Variants in SLC66A1 observed in about 807,000 individuals in gnomAD.
The protein encoded by SLC66A1 is lysosomal amino acid transporter 1 homolog.
In SLC66A1, 23 loss-of-function variants were observed where a neutral mutation model predicts 33.0. The observed-to-expected ratio is 0.70, with a 90% confidence interval of 0.50 to 0.99. SLC66A1 has a LOEUF of 0.99. SLC66A1 is among the 50% of genes least tolerant of loss of function. SLC66A1 has a pLI of 0.00. For missense variants in SLC66A1, 335 were observed against 383.6 expected, an observed-to-expected ratio of 0.87 and a Z score of 1.06; for synonymous variants, 164 against 175.5, an observed-to-expected ratio of 0.93 and a Z score of 0.52.
intron 2 of SLC66A1, among the ~76,000 whole-genome samples, chr1:19,318,074 A>G (rs1035188639): frequency 1.3e-5 from 2 of 152,176 alleles, no homozygotes; most frequent in African/African-American, 2.4e-5. Flanking sequence ...AGTGCCCACC[A>G]TATACCTGGC....
At chr1:19,316,913 C>CTTTTTTT (rs759496425) in intron 1 of SLC66A1, among the ~76,000 whole-genome samples, 25 of 71,508 alleles carry the variant, frequency 3.5e-4, no homozygotes, top group Admixed American at 5.9e-4. Flanking sequence ...TCTGTCACCT[C>CTTTTTTT]TTTTTTTTTT....
At chr1:19,317,412 C>T (rs551022487) in intron 1 of SLC66A1, among the ~76,000 whole-genome samples, 188 bp from the exon 2 acceptor site, 38 of 152,320 alleles carry the variant, frequency 2.5e-4, no homozygotes, top group African/African-American at 8.4e-4. Context: ...CTGTAGTTGG[C>T]GTGTGTTTGC....
chr1:19,328,707 G>A lies in SLC66A1; in HGVS notation c.*64G>A, dbSNP rs1368594145. The A allele has an allele frequency of 6.4e-7, 1 of 1,560,370 alleles. No individual in the cohort carries two copies. Among genetic ancestry groups the A allele is most frequent in the Non-Finnish European group, 8.8e-7 (1 of 1,139,092 alleles). On this transcript the variant is annotated 3_prime_UTR_variant, in exon 8 of 8. Transcript: ENST00000375153. The surrounding 1 kb of genome is among the most constrained non-coding windows in gnomAD (Gnocchi z 4.7). ...GATGCCACACCAGGCAGGAGGAGGTGTGGACAGTGATGGTACGGCGGCCCT... is the reference window on the plus strand; with the variant it reads ...GATGCCACACCAGGCAGGAGGAGGTATGGACAGTGATGGTACGGCGGCCCT...
intron 2 of SLC66A1, 57 bp downstream of exon 2, chr1:19,317,898 T>A: frequency 6.3e-7 from 1 of 1,577,114 alleles, no homozygotes; most frequent in South Asian, 1.2e-5. Flanking sequence ...AGGCAGTGGC[T>A]CCAGCTACTG....
At chr1:19,326,492 G>A (rs751008733) in intron 5 of SLC66A1, 39 bp from the exon 6 acceptor site, 2 of 1,613,862 alleles carry the variant, frequency 1.2e-6, no homozygotes, top group South Asian at 1.1e-5. Flanking sequence ...ATCACCTCTG[G>A]CTCCTACGAG....
chr1:19,316,745 T>C, intron 1 of SLC66A1, among the ~76,000 whole-genome samples: 1 of 150,430 alleles, frequency 6.6e-6, no homozygotes. Context: ...TGGCTCTCTA[T>C]AGCCTGTACC....
chr1:19,315,441 G>A (rs1185420845), intron 1 of SLC66A1, among the ~76,000 whole-genome samples: 6 of 152,202 alleles, frequency 3.9e-5, no homozygotes, highest in Admixed American at 1.3e-4. Context: ...TGCCCACAGC[G>A]AGTCACATTA....
chr1:19,320,531 A>G (rs1245502746), intron 2 of SLC66A1, among the ~76,000 whole-genome samples: 2 of 148,092 alleles, frequency 1.4e-5, no homozygotes, highest in African/African-American at 2.5e-5. Flanking sequence ...CTCCTGCCTC[A>G]GCCTCCCGAG....
At position 19,328,877 on chromosome 1, in the gene SLC66A1, C is replaced by T. The variant is rs991716188; in HGVS notation, c.*234C>T. Reference sequence around the variant, plus strand: ...TCAGGAGACAGTGAGGCTGCCCCTCCTACCACCTACCTCATTCTGCCTACT... The same window carrying T: ...TCAGGAGACAGTGAGGCTGCCCCTCTTACCACCTACCTCATTCTGCCTACT... On this transcript the variant is annotated 3_prime_UTR_variant, in exon 8 of 8. Coordinates refer to ENST00000375153, the MANE Select transcript of SLC66A1 (RefSeq NM_001040125.2). The surrounding 1 kb of genome is among the most constrained non-coding windows in gnomAD (Gnocchi z 4.7). 8.6e-6 allele frequency: 5 copies of T among 584,184 alleles called. No individual in the cohort carries two copies. Among genetic ancestry groups the T allele is most frequent in the African/African-American group, 5.6e-5 (3 of 53,448 alleles). The allele number at this position is 584,184 out of a possible 1,614,324, so 36.2% of individuals were successfully genotyped here.
downstream of SLC66A1, among the ~76,000 whole-genome samples, chr1:19,332,309 CCAA>C (rs1456344702): frequency 6.6e-6 from 1 of 152,194 alleles, no homozygotes; most frequent in Non-Finnish European, 1.5e-5. Context: ...TCCCATGAGA[CCAA>C]CAACACTGTC....
At chr1:19,314,787 G>A (rs1200519551) in intron 1 of SLC66A1, among the ~76,000 whole-genome samples, 1 of 152,240 alleles carries the variant, frequency 6.6e-6, no homozygotes, top group Admixed American at 6.5e-5. Flanking sequence ...GACTCTGCAA[G>A]GGGGTGTGGG....
At chr1:19,319,674 G>A (rs1030958939) in intron 2 of SLC66A1, among the ~76,000 whole-genome samples, 3 of 140,998 alleles carry the variant, frequency 2.1e-5, no homozygotes, top group African/African-American at 8.1e-5. Flanking sequence ...AGGCTAAGGC[G>A]GGCAGATCGC....
intron 2 of SLC66A1, among the ~76,000 whole-genome samples, chr1:19,320,412 CTTTT>C (rs34520375): frequency 1.0e-5 from 1 of 98,626 alleles, no homozygotes; most frequent in Non-Finnish European, 1.9e-5. Flanking sequence ...GGTGGCCTGT[CTTTT>C]TTTTTTTTTT....
chr1:19,316,503 C>T (rs2093806788), intron 1 of SLC66A1, among the ~76,000 whole-genome samples: 1 of 151,966 alleles, frequency 6.6e-6, no homozygotes, highest in Admixed American at 6.6e-5. Context: ...TCTTCCACCT[C>T]AGCCTCCTGA....
In SLC66A1 at chr1:19,319,605, G is replaced by GTTTTTTTTTT. The variant is rs569177720; in HGVS notation, c.164+1771_164+1780dup. ...GATTAATGTTGCTGTGCACATTCAT[G>GTTTTTTTTTT]TTTTTTTTTTTTTTTTGCCTGGTGC... On this transcript the variant is annotated intron_variant, in intron 2 of 7. Transcript: ENST00000375153. 1.6e-3 allele frequency among the ~76,000 whole-genome samples: 180 copies of GTTTTTTTTTT among 111,850 alleles called. 10 individuals carry two copies. The highest frequency in any genetic ancestry group is 6.6e-3 in the African/African-American group (164 of 24,838). 73.4% of individuals were successfully genotyped at this position (111,850 alleles called of 152,430 possible). A position where few individuals can be genotyped will look rare whatever the true frequency, so the allele number is the denominator to read the frequency against.
intron 2 of SLC66A1, 96 bp downstream of exon 2, chr1:19,317,937 G>C (rs528154334): frequency 4.6e-6 from 7 of 1,518,974 alleles, no homozygotes; most frequent in Non-Finnish European, 5.3e-6. Flanking sequence ...GGTGGGCCAC[G>C]GGCCTCTCCA....
chr1:19,324,809 A>G, intron 3 of SLC66A1, 47 bp downstream of exon 3: 1 of 1,604,662 alleles, frequency 6.2e-7, no homozygotes, highest in Non-Finnish European at 8.5e-7. Context: ...ACCCTGCTTC[A>G]CCCTGCAGGG....
Position 19,328,179 on chromosome 1 carries a change from T to G in SLC66A1, c.805-393T>G. On this transcript the variant is annotated intron_variant, in intron 7 of 7. Coordinates refer to ENST00000375153, the MANE Select transcript of SLC66A1 (RefSeq NM_001040125.2). The surrounding 1 kb of genome is among the most constrained non-coding windows in gnomAD (Gnocchi z 4.7). ...CAAGTAAACATGGCCTTTGTTTTAA[T>G]ATTTGTTAAGTCCCTGCCGGGCGCA... is the stretch of plus-strand genomic sequence containing the variant. The G allele has an allele frequency of 6.0e-6, 2 of 333,922 alleles. No homozygotes were observed. The highest frequency in any genetic ancestry group is 8.1e-5 in the East Asian group (1 of 12,350). 20.7% of individuals were successfully genotyped at this position (333,922 alleles called of 1,614,324 possible). A position where few individuals can be genotyped will look rare whatever the true frequency, so the allele number is the denominator to read the frequency against.
Position 19,325,499 on chromosome 1 carries a change from A to C in SLC66A1, c.299A>C (p.Tyr100Ser). The change falls in exon 4 of 8, where the codon TAC (tyrosine) becomes TCC (serine). Residue 100 changes from tyrosine (Y) to serine (S), a missense_variant. Transcript: ENST00000375153. ...GGCCCCCTGCATCTCTTACAGACCT[A>C]CACGGCTGTGTATTATGTCTTGGCA... is the stretch of plus-strand genomic sequence containing the variant. The part of the protein sequence containing the change: ...FLADQLPLQT[Y>S]TAVYYVLADL... The C allele has an allele frequency of 1.2e-6, 2 of 1,605,658 alleles. No homozygotes were observed. Among genetic ancestry groups the C allele is most frequent in the South Asian group, 1.1e-5 (1 of 90,886 alleles).
Sources: gnomAD v4.1 joint callset for allele counts (sites outside exome capture counted in the v4.1 genomes callset) on GRCh38, gnomAD v4.1.1 for gene constraint, Gnocchi (gnomAD v3.1) non-coding constraint, MANE v1.5 for transcripts, NCBI Gene and HGNC (gene_info 2026-07-23, HGNC 2026-07-21) for gene names.